The following CNTNAP2 variants were observed in gnomAD, a reference collection of about 807,000 sequenced individuals.
CNTNAP2 encodes contactin-associated protein-like 2.
In CNTNAP2, 98 loss-of-function variants were observed where a neutral mutation model predicts 155.2. The ratio of observed to expected loss-of-function variants is 0.63; its 90% confidence interval spans 0.54 to 0.75. The LOEUF is 0.75. Among genes scored for constraint, CNTNAP2 ranks in the 30% least tolerant of loss-of-function variants. The probability of loss-of-function intolerance (pLI) is 0.00; values close to 1 mark genes in which losing one functional copy is unlikely to be tolerated. For synonymous variants in CNTNAP2, 651 were observed against 631.2 expected (o/e 1.03, Z -0.47); for missense variants, 1,727 against 1,688.1 (o/e 1.02, Z -0.40).
In CNTNAP2 at chr7:147,947,454, CAAAAAAA is replaced by C. The variant is rs10708483; in HGVS notation, c.2256-30390_2256-30384del. Among the ~76,000 whole-genome samples, 144 of 80,270 alleles carry C rather than the reference CAAAAAAA, an allele frequency of 1.8e-3. No homozygotes were observed. In the Middle Eastern group the frequency reaches 0.026, roughly 15 times the overall value. 52.7% of individuals were successfully genotyped at this position (80,270 alleles called of 152,430 possible). A position where few individuals can be genotyped will look rare whatever the true frequency, so the allele number is the denominator to read the frequency against. On this transcript the variant is annotated intron_variant, in intron 14 of 23. Transcript: ENST00000361727. ...CCAACATAGGGAGACCCTGTCTCTA[CAAAAAAA>C]AAAAAAAAAAAAAAAAATTAGTTGG...
intron 1 of CNTNAP2, among the ~76,000 whole-genome samples, chr7:146,222,481 G>A (rs1438262525): frequency 2.0e-5 from 3 of 151,712 alleles, no homozygotes; most frequent in African/African-American, 7.3e-5. Context: ...AAAGGATTGG[G>A]GCATGAAACT....
chr7:146,263,842 A>G (rs549697747), intron 1 of CNTNAP2, among the ~76,000 whole-genome samples: 1 of 152,366 alleles, frequency 6.6e-6, no homozygotes, highest in South Asian at 2.1e-4. Context: ...GGACAGGGAA[A>G]TACATTAAAT....
At chr7:148,094,430 T>TG (rs1033607697) in intron 15 of CNTNAP2, among the ~76,000 whole-genome samples, 14 of 152,102 alleles carry the variant, frequency 9.2e-5, no homozygotes, top group Non-Finnish European at 1.8e-4. Context: ...TCCTTGCAGA[T>TG]GGGGGGCAAA....
intron 1 of CNTNAP2, among the ~76,000 whole-genome samples, chr7:146,705,520 T>A (rs1800947762): frequency 6.6e-6 from 1 of 152,110 alleles, no homozygotes; most frequent in Non-Finnish European, 1.5e-5. Context: ...CCTAATACAA[T>A]CTTCTTGGTA....
At chr7:147,191,606 G>A (rs1042159882) in intron 8 of CNTNAP2, among the ~76,000 whole-genome samples, 1 of 152,124 alleles carries the variant, frequency 6.6e-6, no homozygotes, top group Non-Finnish European at 1.5e-5. Context: ...ATTTTTTCTG[G>A]TCTGCTTTAT....
chr7:147,517,262 G>C (rs1261751167), intron 11 of CNTNAP2, among the ~76,000 whole-genome samples: 2 of 152,148 alleles, frequency 1.3e-5, no homozygotes, highest in African/African-American at 4.8e-5. Flanking sequence ...TATTCACAAA[G>C]AGTTCTTCTT....
At chr7:148,121,046 A>T (rs1240689067) in intron 16 of CNTNAP2, among the ~76,000 whole-genome samples, 3 of 150,160 alleles carry the variant, frequency 2.0e-5, no homozygotes, top group South Asian at 2.1e-4. Flanking sequence ...ATTTTTTTTT[A>T]TTTTTTTTTA....
intron 12 of CNTNAP2, among the ~76,000 whole-genome samples, chr7:147,592,131 G>C (rs1039711958): frequency 6.6e-6 from 1 of 152,126 alleles, no homozygotes; most frequent in Admixed American, 6.5e-5. Flanking sequence ...ACTGTGTCCT[G>C]ATTTATTCTT....
chr7:146,139,624 TATC>T (rs1018544538), intron 1 of CNTNAP2, among the ~76,000 whole-genome samples: 6 of 152,168 alleles, frequency 3.9e-5, no homozygotes, highest in Non-Finnish European at 4.4e-5. Context: ...GCTGTTGAGT[TATC>T]ATTCTTTTTT....
chr7:146,843,900 A>C (rs1803793594), intron 3 of CNTNAP2, among the ~76,000 whole-genome samples: 1 of 152,092 alleles, frequency 6.6e-6, no homozygotes, highest in Non-Finnish European at 1.5e-5. Flanking sequence ...AGATGTAAAA[A>C]TTTATGTATT....
chr7:146,644,886 G>A (rs1000218365), intron 1 of CNTNAP2, among the ~76,000 whole-genome samples: 3 of 151,942 alleles, frequency 2.0e-5, no homozygotes, highest in Admixed American at 6.6e-5. Flanking sequence ...ATTCACAGCC[G>A]AATTCTACCA....
chr7:147,099,613 T>C (rs770987444), intron 4 of CNTNAP2, among the ~76,000 whole-genome samples: 3 of 152,174 alleles, frequency 2.0e-5, no homozygotes, highest in Non-Finnish European at 4.4e-5. Flanking sequence ...GCTATCTTTA[T>C]ATAGTATCAA....
chr7:148,332,845 A>G (rs962643060), intron 21 of CNTNAP2, among the ~76,000 whole-genome samples: 2 of 152,188 alleles, frequency 1.3e-5, no homozygotes, highest in African/African-American at 2.4e-5. Flanking sequence ...CAGCTTGTCA[A>G]TGTAATCATT....
chr7:146,905,140 C>G (rs564455574), intron 3 of CNTNAP2, among the ~76,000 whole-genome samples: 1 of 152,176 alleles, frequency 6.6e-6, no homozygotes, highest in South Asian at 2.1e-4. Flanking sequence ...TACCTCCGCC[C>G]CTACTCACGT....
chr7:147,301,641 TG>T lies in CNTNAP2; in HGVS notation c.1498+1352del, dbSNP rs1794948517. ...GTGTGTGTGTGTGTGTGTGTGTGTG[TG>T]TGTTCTAGTTTTTAGAGTAAGGTGA... is the stretch of plus-strand genomic sequence containing the variant. On this transcript the variant is annotated intron_variant, in intron 9 of 23. Transcript: ENST00000361727. 4.9e-5 allele frequency among the ~76,000 whole-genome samples: 7 copies of T among 142,222 alleles called. No individual in the cohort carries two copies. The Admixed American group carries it at 5.1e-4, about 10-fold the overall frequency. The allele number at this position is 142,222 out of a possible 152,430, so 93.3% of individuals were successfully genotyped here.
At chr7:147,120,701 A>G (rs934773410) in intron 5 of CNTNAP2, among the ~76,000 whole-genome samples, 5 of 151,940 alleles carry the variant, frequency 3.3e-5, no homozygotes, top group Non-Finnish European at 5.9e-5. Context: ...TTACATATGT[A>G]TACATGTGAC....
intron 1 of CNTNAP2, among the ~76,000 whole-genome samples, chr7:146,192,897 T>C (rs1798726463): frequency 6.6e-6 from 1 of 152,064 alleles, no homozygotes; most frequent in Admixed American, 6.5e-5. Context: ...CTAGATACAA[T>C]GGAGGCACAG....
chr7:147,903,707 G>C lies in CNTNAP2; in HGVS notation c.2241G>C (p.Ala747=). The change falls in exon 14 of 24, where the codon GCG becomes GCC. Residue 747 remains alanine (A), a synonymous_variant. Transcript: ENST00000361727. ...TDPKYYCNCD[A]DYKQWRKDAG... ...CCAAGTACTACTGTAACTGCGACGCGGACTACAAGCAATGGTGAGTGCCTG... is the reference window on the plus strand; with the variant it reads ...CCAAGTACTACTGTAACTGCGACGCCGACTACAAGCAATGGTGAGTGCCTG... 1.2e-6 allele frequency: 2 copies of C among 1,613,680 alleles called. No individual in the cohort carries two copies. The highest frequency in any genetic ancestry group is 1.7e-6 in the Non-Finnish European group (2 of 1,179,860).
chr7:146,897,876 AG>A (rs1480068380), intron 3 of CNTNAP2, among the ~76,000 whole-genome samples: 6 of 152,112 alleles, frequency 3.9e-5, no homozygotes, highest in African/African-American at 1.4e-4. Context: ...GAATTAGATA[AG>A]AAAAATTGTT....
Sources: allele counts gnomAD v4.1 joint callset (sites outside exome capture counted in the v4.1 genomes callset), GRCh38; gene constraint gnomAD v4.1.1; transcripts MANE v1.5; gene names NCBI Gene and HGNC (gene_info 2026-07-23, HGNC 2026-07-21).